The following RALYL variants were observed in gnomAD, a reference collection of about 807,000 sequenced individuals.
RALYL encodes RNA-binding Raly-like protein.
A neutral mutation model predicts 35.1 loss-of-function variants in RALYL; 29 were observed. The observed-to-expected ratio is 0.83, with a 90% CI of 0.61 to 1.13. The LOEUF (loss-of-function observed/expected upper bound fraction) is 1.13, where lower values mean the gene tolerates loss of function less well. Among genes scored for constraint, RALYL ranks in the 50% most tolerant of loss-of-function variants. RALYL has a pLI of 0.00. For synonymous variants in RALYL, 120 were observed against 127.6 expected (o/e 0.94, Z 0.40); for missense variants, 359 against 360.4 (o/e 1.00, Z 0.03).
chr8:84,423,170 ATG>A (rs1006238924), intron 1 of RALYL, among the ~76,000 whole-genome samples: 2 of 141,772 alleles, frequency 1.4e-5, no homozygotes, highest in African/African-American at 2.7e-5. Context: ...CCCGTTATTA[ATG>A]TGTGGGAGTC....
At chr8:84,679,571 A>G (rs1385223552) in intron 2 of RALYL, 2 of 428,414 alleles carry the variant, frequency 4.7e-6, no homozygotes, top group African/African-American at 4.1e-5. Context: ...CCCAATGGCC[A>G]GAACAAGAAA....
At chr8:84,485,237 C>T (rs529243694) in intron 1 of RALYL, among the ~76,000 whole-genome samples, 6 of 152,134 alleles carry the variant, frequency 3.9e-5, no homozygotes, top group African/African-American at 1.4e-4. Context: ...AAACTAGCTC[C>T]TTGATGTCAG....
intron 2 of RALYL, among the ~76,000 whole-genome samples, chr8:84,633,356 C>T (rs1209593457): frequency 1.3e-5 from 2 of 151,608 alleles, no homozygotes; most frequent in African/African-American, 4.8e-5. Context: ...ACTGGCTCTC[C>T]GCTACTTCCT....
At chr8:84,803,017 A>ATATT (rs1823714746) in intron 3 of RALYL, among the ~76,000 whole-genome samples, 1 of 152,222 alleles carries the variant, frequency 6.6e-6, no homozygotes, top group African/African-American at 2.4e-5. Context: ...GATTCTCATT[A>ATATT]TATTATTCAG....
chr8:84,758,962 T>C (rs1194678848), intron 2 of RALYL, among the ~76,000 whole-genome samples: 2 of 152,188 alleles, frequency 1.3e-5, no homozygotes, highest in Non-Finnish European at 2.9e-5. Context: ...TAGGGCTATA[T>C]TCCTTTCTGG....
intron 1 of RALYL, among the ~76,000 whole-genome samples, chr8:84,409,154 A>G (rs2043853563): frequency 6.6e-6 from 1 of 152,120 alleles, no homozygotes; most frequent in African/African-American, 2.4e-5. Flanking sequence ...GCATAAACTA[A>G]TATCAAATAT....
rs1822895075 is a variant in RALYL at position 84,223,199 on chromosome 8, CCT to C, written c.-24+38776_-24+38777del. The stretch of plus-strand genomic sequence containing the variant: ...CCTTCCCTTCCCTTCCCTTCCCTTC[CCT>C]TCCATTCCTCCCTTCCCTTCCCTTC... On this transcript the variant is annotated intron_variant, in intron 1 of 8. Coordinates refer to ENST00000521268, the MANE Select transcript of RALYL (RefSeq NM_173848.7). Among the ~76,000 whole-genome samples the C allele has an allele frequency of 1.3e-3, 122 of 97,420 alleles. 5 individuals carry two copies. In the South Asian group the frequency reaches 0.017, roughly 14 times the overall value. The allele number at this position is 97,420 out of a possible 152,430, so 63.9% of individuals were successfully genotyped here. A position where few individuals can be genotyped will look rare whatever the true frequency, so the allele number is the denominator to read the frequency against.
intron 8 of RALYL, among the ~76,000 whole-genome samples, chr8:84,888,871 T>C (rs1843352287): frequency 6.6e-6 from 1 of 152,120 alleles, no homozygotes; most frequent in Non-Finnish European, 1.5e-5. Flanking sequence ...TGCCTCAGCC[T>C]CCCGAGTAGC....
intron 1 of RALYL, among the ~76,000 whole-genome samples, chr8:84,369,187 G>A (rs559957588): frequency 1.9e-4 from 29 of 152,250 alleles, no homozygotes; most frequent in Admixed American, 3.3e-4. Context: ...CCTGGACACA[G>A]TGGAGAGCAG....
chr8:84,871,800 T>C (rs559587424), intron 6 of RALYL, among the ~76,000 whole-genome samples: 3 of 152,304 alleles, frequency 2.0e-5, no homozygotes, highest in African/African-American at 7.2e-5. Context: ...GGGAAAAGTT[T>C]TCTCATTTTT....
intron 4 of RALYL, among the ~76,000 whole-genome samples, chr8:84,832,291 A>T (rs1445529174): frequency 3.3e-5 from 5 of 152,056 alleles, no homozygotes; most frequent in Non-Finnish European, 7.4e-5. Context: ...TTTGTTCCAG[A>T]TTACGTTGAT....
chr8:84,304,607 T>G (rs1841455219), intron 1 of RALYL, among the ~76,000 whole-genome samples: 1 of 121,332 alleles, frequency 8.2e-6, no homozygotes, highest in South Asian at 2.2e-4. Context: ...TTTACACTAT[T>G]TTTTTTAAAA....
chr8:84,692,285 T>C (rs1193910097), intron 2 of RALYL, among the ~76,000 whole-genome samples: 1 of 151,972 alleles, frequency 6.6e-6, no homozygotes, highest in Non-Finnish European at 1.5e-5. Context: ...TGATTGAACA[T>C]ATAGAAAAAT....
intron 1 of RALYL, among the ~76,000 whole-genome samples, chr8:84,394,574 A>G (rs1358390775): frequency 4.6e-5 from 7 of 151,950 alleles, no homozygotes; most frequent in Non-Finnish European, 1.0e-4. Flanking sequence ...CCTTATCTCT[A>G]TTATTGCTTA....
At chr8:84,369,889 T>A (rs1373068325) in intron 1 of RALYL, among the ~76,000 whole-genome samples, 1 of 152,124 alleles carries the variant, frequency 6.6e-6, no homozygotes, top group Non-Finnish European at 1.5e-5. Context: ...TATAATGAAT[T>A]AAAACAGAAC....
intron 1 of RALYL, among the ~76,000 whole-genome samples, chr8:84,401,013 GT>G (rs1363722118): frequency 2.0e-5 from 3 of 152,236 alleles, no homozygotes; most frequent in Middle Eastern, 3.4e-3. Context: ...AGTTGCTTAA[GT>G]TTTCTGGTTG....
At chr8:84,853,337 C>T (rs1345552573) in intron 5 of RALYL, among the ~76,000 whole-genome samples, 1 of 152,088 alleles carries the variant, frequency 6.6e-6, no homozygotes. Flanking sequence ...GAAATGTTAG[C>T]TCAATAAAAT....
chr8:84,637,354 G>T (rs1447526262), intron 2 of RALYL, among the ~76,000 whole-genome samples: 1 of 151,824 alleles, frequency 6.6e-6, no homozygotes, highest in Non-Finnish European at 1.5e-5. Context: ...AGTAGTAGTA[G>T]TAGTAATAGT....
At chr8:84,717,335 C>T (rs1234460117) in intron 2 of RALYL, among the ~76,000 whole-genome samples, 1 of 152,132 alleles carries the variant, frequency 6.6e-6, no homozygotes. Context: ...ATTTTTTGTA[C>T]TGTATAAACA....
Sources: allele counts gnomAD v4.1 joint callset (sites outside exome capture counted in the v4.1 genomes callset), GRCh38; gene constraint gnomAD v4.1.1; transcripts MANE v1.5; gene names NCBI Gene and HGNC (gene_info 2026-07-23, HGNC 2026-07-21).